The following TK1 variants were observed in gnomAD, a reference collection of about 807,000 sequenced individuals.
TK1 encodes the protein thymidine kinase 1.
TK1 carries 13 observed loss-of-function variants against 22.4 expected under a neutral mutation model. That is an observed-to-expected ratio of 0.58 (90% CI 0.38 to 0.92). The LOEUF is 0.92. Ranked by LOEUF, TK1 falls within the 40% of genes least tolerant of loss-of-function variation. The pLI is 0.00. For synonymous variants in TK1, 134 were observed against 125.4 expected, an observed-to-expected ratio of 1.07 and a Z score of -0.46; for missense variants, 251 against 315.7, an observed-to-expected ratio of 0.80 and a Z score of 1.55.
chr17:78,181,812 G>A (rs2075740097), intron 4 of TK1, among the ~76,000 whole-genome samples: 1 of 151,900 alleles, frequency 6.6e-6, no homozygotes, highest in Admixed American at 6.6e-5. Flanking sequence ...GGGCTGGAGT[G>A]CAGTGGTGCT....
At chr17:78,177,114 C>G (rs1233102695) in intron 4 of TK1, among the ~76,000 whole-genome samples, 1 of 152,156 alleles carries the variant, frequency 6.6e-6, no homozygotes, top group East Asian at 1.9e-4. Context: ...CTTCCCCACC[C>G]GTCCAGCACT....
chr17:78,176,972 G>A (rs2075705143), intron 4 of TK1, among the ~76,000 whole-genome samples: 1 of 152,138 alleles, frequency 6.6e-6, no homozygotes, highest in South Asian at 2.1e-4. Flanking sequence ...GCCACATGAG[G>A]GTAGAAGGCA....
intron 2 of TK1, among the ~76,000 whole-genome samples, chr17:78,186,556 G>A (rs1391543154): frequency 3.3e-5 from 5 of 152,036 alleles, no homozygotes; most frequent in African/African-American, 1.2e-4. Context: ...CACACAGGAC[G>A]AGGGGCTTGG....
intron 4 of TK1, among the ~76,000 whole-genome samples, chr17:78,178,336 G>C (rs915249586): frequency 6.6e-6 from 1 of 152,154 alleles, no homozygotes; most frequent in African/African-American, 2.4e-5. Context: ...AGATTTCCAG[G>C]TGAGTCTCTC....
chr17:78,186,323 T>C (rs1335266070), intron 2 of TK1, among the ~76,000 whole-genome samples: 1 of 152,104 alleles, frequency 6.6e-6, no homozygotes, highest in Non-Finnish European at 1.5e-5. Flanking sequence ...AGGGAATGGT[T>C]CTATCACCTC....
intron 4 of TK1, 103 bp downstream of exon 4, chr17:78,182,486 G>T (rs2145827739): frequency 1.1e-6 from 1 of 895,060 alleles, no homozygotes; most frequent in Non-Finnish European, 1.6e-6. Flanking sequence ...ATTTAACCTT[G>T]TTATTTTACT....
Position 78,186,783 on chromosome 17 carries a change from T to C in TK1, c.98+4A>G, listed in dbSNP as rs1249566937. 1.3e-6 allele frequency: 2 copies of C among 1,584,836 alleles called. No homozygotes were observed. The highest frequency in any genetic ancestry group is 3.5e-5 in the Admixed American group (2 of 56,400). On this transcript the variant is annotated splice_donor_region_variant and intron_variant, in intron 2 of 6. Coordinates refer to ENST00000301634, the MANE Select transcript of TK1 (RefSeq NM_003258.5). The stretch of plus-strand genomic sequence containing the variant: ...GCTCCACCCCAGCCCCGCGAAGCCA[T>C]TACCTTTTTCCTGAGAACATCGGCC...
chr17:78,182,754 G>T (rs922079545), intron 3 of TK1, 72 bp from the exon 4 acceptor site: 3 of 1,212,664 alleles, frequency 2.5e-6, no homozygotes, highest in Non-Finnish European at 3.4e-6. Context: ...CCAGGGAATG[G>T]CACTGTCGTG....
At chr17:78,175,361 G>A (rs568531778) in intron 5 of TK1, among the ~76,000 whole-genome samples, 168 bp downstream of exon 5, 66 of 152,070 alleles carry the variant, frequency 4.3e-4, no homozygotes, top group African/African-American at 1.4e-3. Flanking sequence ...CAGATGGCAC[G>A]CAGTCTGCAC....
chr17:78,180,026 G>A (rs7214459), intron 4 of TK1, among the ~76,000 whole-genome samples: 29,348 of 152,170 alleles, frequency 0.19, 3,477 homozygotes, highest in Non-Finnish European at 0.26. Flanking sequence ...AGCCGAGACT[G>A]CGCCACTGCA....
In TK1 at chr17:78,174,708, G is replaced by A. The variant is rs1050085713; in HGVS notation, c.*51C>T. 9 of 1,521,248 alleles carry A rather than the reference G, an allele frequency of 5.9e-6. No individual in the cohort carries two copies. The highest frequency in any genetic ancestry group is 2.8e-5 in the African/African-American group (2 of 72,690). The allele number at this position is 1,521,248 out of a possible 1,614,324, so 94.2% of individuals were successfully genotyped here. On this transcript the variant is annotated 3_prime_UTR_variant, in exon 7 of 7. Transcript: ENST00000301634. ...GTGGCTGGGCAGCATGCAGGGCAGC[G>A]TCCAGTAGGCGGCAGTGGCAGGAAG...
At chr17:78,186,698 G>GGGAGGGGAGT in intron 2 of TK1, 89 bp downstream of exon 2, 1 of 1,075,192 alleles carries the variant, frequency 9.3e-7, no homozygotes, top group East Asian at 3.1e-5. Context: ...GGGAGGGGAG[G>GGGAGGGGAGT]GGAGGGGAGG....
rs1020707695 is a variant in TK1, at chr17:78,181,947, G to C, written c.303+642C>G. Among the ~76,000 whole-genome samples, 16 of 151,868 alleles carry C rather than the reference G, an allele frequency of 1.1e-4. 1 individual carries two copies. Among genetic ancestry groups the C allele is most frequent in the Admixed American group, 3.9e-4 (6 of 15,248 alleles). On this transcript the variant is annotated intron_variant, in intron 4 of 6. Coordinates refer to ENST00000301634, the MANE Select transcript of TK1 (RefSeq NM_003258.5). ...TTTCTTTTTTTTTTTGGTAGAGATG[G>C]GGTTTTACTATGTTGCCCAGGTGAG...
intron 4 of TK1, among the ~76,000 whole-genome samples, chr17:78,175,820 G>A (rs1471305381): frequency 6.6e-6 from 1 of 152,082 alleles, no homozygotes; most frequent in African/African-American, 2.4e-5. Context: ...ATCCACAACT[G>A]CGCAGCCCCT....
At chr17:78,175,713 C>T (rs917452758) in intron 4 of TK1, 95 bp from the exon 5 acceptor site, 22 of 1,136,238 alleles carry the variant, frequency 1.9e-5, no homozygotes, top group East Asian at 1.2e-4. Context: ...CTGACAACTC[C>T]GGCCATTTGG....
chr17:78,174,832 T>C lies in TK1; in HGVS notation c.632A>G (p.Lys211Arg). 1 of 1,613,492 alleles carries C rather than the reference T, an allele frequency of 6.2e-7. No individual in the cohort carries two copies. The highest frequency in any genetic ancestry group is 8.5e-7 in the Non-Finnish European group (1 of 1,179,700). ...CCTGGCAGCCACGGCTTCCCCTGGC[T>C]TTCCTGGCACTGGGCAGTTCTCTTT... is the stretch of plus-strand genomic sequence containing the variant. ...DNKENCPVPGKPGEAVAARKL... is the reference protein window; with the variant it reads ...DNKENCPVPGRPGEAVAARKL... Residue 211 changes from lysine (K) to arginine (R), a missense_variant, in exon 7 of 7, where the codon AAG (lysine) becomes AGG (arginine). Lys to Arg is a conservative substitution (Grantham distance 26). Coordinates refer to ENST00000301634, the MANE Select transcript of TK1 (RefSeq NM_003258.5).
intron 4 of TK1, among the ~76,000 whole-genome samples, chr17:78,176,908 T>C (rs2075704456): frequency 6.6e-6 from 1 of 151,944 alleles, no homozygotes; most frequent in Non-Finnish European, 1.5e-5. Flanking sequence ...GTCCCCTGGG[T>C]GGGAATGGAG....
chr17:78,186,277 A>G (rs2075791968), intron 2 of TK1, among the ~76,000 whole-genome samples: 1 of 152,086 alleles, frequency 6.6e-6, no homozygotes, highest in Admixed American at 6.6e-5. Context: ...GTGCGTGGGT[A>G]GTTTACTCAA....
Position 78,186,724 on chromosome 17 carries a change from G to C in TK1, c.98+63C>G, listed in dbSNP as rs79878080. The C allele has an allele frequency of 4.5e-3, 5,993 of 1,334,522 alleles. 36 individuals carry two copies. Among genetic ancestry groups the C allele is most frequent in the African/African-American group, 0.014 (803 of 56,598 alleles). The allele number at this position is 1,334,522 out of a possible 1,614,324, so 82.7% of individuals were successfully genotyped here. A position where few individuals can be genotyped will look rare whatever the true frequency, so the allele number is the denominator to read the frequency against. ...GGAGGGGAGGGAAGGGGAGGGGAGG[G>C]ACGGGACAAGGGGTCCCCGGAGAAG... is the stretch of plus-strand genomic sequence containing the variant. On this transcript the variant is annotated intron_variant, in intron 2 of 6. Coordinates refer to ENST00000301634, the MANE Select transcript of TK1 (RefSeq NM_003258.5).
Sources: allele counts gnomAD v4.1 joint callset (sites outside exome capture counted in the v4.1 genomes callset), GRCh38; gene constraint gnomAD v4.1.1; transcripts MANE v1.5; gene names NCBI Gene and HGNC (gene_info 2026-07-23, HGNC 2026-07-21).